Variants in DEFB1 observed in about 807,000 individuals in gnomAD.
DEFB1 encodes beta-defensin 1.
Under a neutral mutation model 2.6 loss-of-function variants are expected in DEFB1, and 4 were observed. The observed-to-expected ratio is 1.53, with a 90% CI of 0.76 to 3.51. The LOEUF (loss-of-function observed/expected upper bound fraction) is 3.51. Ranked by LOEUF, DEFB1 falls within the 30% of genes most tolerant of loss-of-function variation. DEFB1 has a pLI of 0.01. For synonymous variants in DEFB1, 56 were observed against 28.5 expected (o/e 1.96, Z -3.07); for missense variants, 162 against 76.9 (o/e 2.11, Z -4.14).
chr8:6,873,384 G>A (rs755498111), intron 1 of DEFB1, among the ~76,000 whole-genome samples: 2 of 152,148 alleles, frequency 1.3e-5, no homozygotes, highest in African/African-American at 4.8e-5. Context: ...GACACAAAAG[G>A]AATTGCAGCA....
At chr8:6,874,922 C>T (rs749009982) in intron 1 of DEFB1, among the ~76,000 whole-genome samples, 24 of 151,366 alleles carry the variant, frequency 1.6e-4, no homozygotes, top group African/African-American at 3.4e-4. Flanking sequence ...GGAGGGGTTG[C>T]GGTTAGCCAA....
At position 6,870,822 on chromosome 8, in the gene DEFB1, A is replaced by G; in HGVS notation, c.66T>C (p.Gly22=). 6.2e-7 allele frequency: 1 copy of G among 1,612,608 alleles called. No individual in the cohort carries two copies. Residue 22 remains glycine (G), a synonymous_variant, in exon 2 of 2, where the codon GGT becomes GGC. Transcript: ENST00000297439. Reference sequence around the variant, plus strand: ...TGTGGCCAAGGCCTGTGAGAAAGTTACCACCTGTAAGGAGGGAACACAAAC... The same window carrying G: ...TGTGGCCAAGGCCTGTGAGAAAGTTGCCACCTGTAAGGAGGGAACACAAAC... ...CLLLSEMASG[G]NFLTGLGHRS...
Position 6,876,304 on chromosome 8 carries a change from G to A in DEFB1, c.61+1493C>T, listed in dbSNP as rs150394849. On this transcript the variant is annotated intron_variant, in intron 1 of 1. Transcript: ENST00000297439. Reference sequence around the variant, plus strand: ...AGCATGACCAGCATGGTGAAACCCCGTCTGTACTAAAAAATACAAAAATTA... The same window carrying A: ...AGCATGACCAGCATGGTGAAACCCCATCTGTACTAAAAAATACAAAAATTA... Among the ~76,000 whole-genome samples the A allele has an allele frequency of 1.2e-3, 184 of 152,112 alleles. 1 individual carries two copies. Among genetic ancestry groups the A allele is most frequent in the African/African-American group, 4.1e-3 (171 of 41,498 alleles).
chr8:6,876,524 A>G (rs1806535996), intron 1 of DEFB1, among the ~76,000 whole-genome samples: 1 of 152,028 alleles, frequency 6.6e-6, no homozygotes, highest in African/African-American at 2.4e-5. Context: ...GGCTGAGTGG[A>G]GTGGCTCATG....
At chr8:6,876,343 G>T (rs1046699818) in intron 1 of DEFB1, among the ~76,000 whole-genome samples, 1 of 152,088 alleles carries the variant, frequency 6.6e-6, no homozygotes, top group African/African-American at 2.4e-5. Flanking sequence ...AGGCTTGGTG[G>T]CATGCACCTG....
intron 1 of DEFB1, 23 bp downstream of exon 1, chr8:6,877,774 C>T (rs767176569): frequency 2.5e-6 from 4 of 1,609,862 alleles, no homozygotes; most frequent in Admixed American, 3.3e-5. Context: ...GGATGGGAAA[C>T]TCTTGCAGGT....
intron 1 of DEFB1, among the ~76,000 whole-genome samples, chr8:6,875,025 G>T (rs62497560): frequency 6.7e-6 from 1 of 148,460 alleles, no homozygotes; most frequent in African/African-American, 2.5e-5. Context: ...TATTCATATT[G>T]GGGAAAAAAA....
intron 1 of DEFB1, among the ~76,000 whole-genome samples, chr8:6,876,474 C>G (rs1806534072): frequency 6.6e-6 from 1 of 151,666 alleles, no homozygotes; most frequent in South Asian, 2.1e-4. Context: ...AAGACTCCAT[C>G]TCAAAAAAAC....
chr8:6,870,696 G>A lies in DEFB1; in HGVS notation c.192C>T (p.Ala64=). 5 of 1,614,106 alleles carry A rather than the reference G, an allele frequency of 3.1e-6. 1 individual carries two copies. The South Asian group carries it at 5.5e-5, about 18-fold the overall frequency. Residue 64 remains alanine (A), a synonymous_variant, in exon 2 of 2, where the codon GCC becomes GCT. Coordinates refer to ENST00000297439, the MANE Select transcript of DEFB1 (RefSeq NM_005218.4). ...KIQGTCYRGK[A]KCCK Reference sequence around the variant, plus strand: ...CACTCCCAGCTCACTTGCAGCACTTGGCCTTCCCTCTGTAACAGGTGCCTT... The same window carrying A: ...CACTCCCAGCTCACTTGCAGCACTTAGCCTTCCCTCTGTAACAGGTGCCTT...
intron 1 of DEFB1, among the ~76,000 whole-genome samples, chr8:6,876,642 A>C (rs1806539806): frequency 1.3e-5 from 2 of 151,998 alleles, no homozygotes; most frequent in South Asian, 4.1e-4. Context: ...CGAAAAAATA[A>C]AAATAAAAAA....
intron 1 of DEFB1, among the ~76,000 whole-genome samples, chr8:6,877,111 G>A (rs1806561383): frequency 6.6e-6 from 1 of 152,206 alleles, no homozygotes; most frequent in South Asian, 2.1e-4. Flanking sequence ...TTAGCACCAT[G>A]TGACTCGTGT....
intron 1 of DEFB1, among the ~76,000 whole-genome samples, chr8:6,872,661 G>A (rs2117210070): frequency 6.6e-6 from 1 of 152,302 alleles, no homozygotes; most frequent in African/African-American, 2.4e-5. Flanking sequence ...AGTACTCAGG[G>A]AAGCATCTTG....
intron 1 of DEFB1, among the ~76,000 whole-genome samples, chr8:6,877,130 A>T (rs541998222): frequency 6.6e-6 from 1 of 152,304 alleles, no homozygotes; most frequent in Admixed American, 6.5e-5. Flanking sequence ...GTGAACAAGG[A>T]TAGGGCTGGG....
intron 1 of DEFB1, among the ~76,000 whole-genome samples, chr8:6,877,457 T>C (rs1806574022): frequency 1.3e-5 from 2 of 152,206 alleles, no homozygotes; most frequent in South Asian, 2.1e-4. Context: ...TCTCTCTGCA[T>C]AGGAAGCTGG....
At chr8:6,875,439 C>A (rs766725301) in intron 1 of DEFB1, among the ~76,000 whole-genome samples, 2 of 151,868 alleles carry the variant, frequency 1.3e-5, no homozygotes, top group Admixed American at 6.6e-5. Context: ...ACAGATAATC[C>A]AAAAGAAAAC....
intron 1 of DEFB1, among the ~76,000 whole-genome samples, chr8:6,876,994 C>T (rs1259060122): frequency 6.6e-6 from 1 of 152,100 alleles, no homozygotes; most frequent in Non-Finnish European, 1.5e-5. Context: ...ACAGTGATGG[C>T]CTAGAGAAAC....
chr8:6,877,094 C>T (rs898579862), intron 1 of DEFB1, among the ~76,000 whole-genome samples: 1 of 152,156 alleles, frequency 6.6e-6, no homozygotes, highest in African/African-American at 2.4e-5. Flanking sequence ...GATGAATAAA[C>T]CAAGGCTTAG....
In DEFB1 at chr8:6,870,843, C is replaced by T. The variant is rs770858873; in HGVS notation, c.62-17G>A. 5 of 1,606,086 alleles carry T rather than the reference C, an allele frequency of 3.1e-6. No individual in the cohort carries two copies. The Admixed American group carries it at 5.1e-5, about 16-fold the overall frequency. On this transcript the variant is annotated splice_polypyrimidine_tract_variant and intron_variant, in intron 1 of 1. Transcript: ENST00000297439. ...AGTTACCACCTGTAAGGAGGGAACA[C>T]AAACACTTCAGACTCATGGCTTGTA...
rs55824123 is a variant in DEFB1, at chr8:6,877,427, C to A, written c.61+370G>T. Among the ~76,000 whole-genome samples the A allele has an allele frequency of 6.3e-3, 965 of 152,358 alleles. 7 individuals carry two copies. Among genetic ancestry groups the A allele is most frequent in the South Asian group, 0.016 (76 of 4,824 alleles). On this transcript the variant is annotated intron_variant, in intron 1 of 1. Coordinates refer to ENST00000297439, the MANE Select transcript of DEFB1 (RefSeq NM_005218.4). ...AGGAGGCTGCACCCAGTGACGTGGG[C>A]TGAGGATGGGGCCGGCCCCTCTCTC...
Sources: allele counts gnomAD v4.1 joint callset (sites outside exome capture counted in the v4.1 genomes callset), GRCh38; gene constraint gnomAD v4.1.1; transcripts MANE v1.5; gene names NCBI Gene and HGNC (gene_info 2026-07-23, HGNC 2026-07-21).